GLIS3: variants seen among roughly 807,000 people sequenced by gnomAD.
GLIS3 encodes the protein zinc finger protein GLIS3.
In GLIS3, 53 loss-of-function variants were observed where a neutral mutation model predicts 78.6. The ratio of observed to expected loss-of-function variants is 0.67; its 90% CI spans 0.54 to 0.85. GLIS3 has a LOEUF of 0.85. Ranked by LOEUF, GLIS3 falls within the 40% of genes least tolerant of loss-of-function variation. The pLI, the probability that GLIS3 is intolerant of heterozygous loss-of-function variation, is 0.00. For missense variants in GLIS3, 1,703 were observed against 1,231.1 expected (o/e 1.38, Z -5.74); for synonymous variants, 684 against 509.9 (o/e 1.34, Z -4.60).
At chr9:3,834,680 G>A (rs2129996972) in intron 9 of GLIS3, among the ~76,000 whole-genome samples, 1 of 152,270 alleles carries the variant, frequency 6.6e-6, no homozygotes, top group South Asian at 2.1e-4. Context: ...CTTCAAGATA[G>A]AAAGTATATT....
At chr9:4,257,734 C>T (rs10118840) in intron 2 of GLIS3, among the ~76,000 whole-genome samples, 21,632 of 151,686 alleles carry the variant, frequency 0.14, 1,675 homozygotes, top group Non-Finnish European at 0.16. Flanking sequence ...CCACCACGCC[C>T]GGCTAATTTT....
At chr9:4,474,021 C>G in the GLIS3 span, among the ~76,000 whole-genome samples, 11 of 131,792 alleles carry the variant, frequency 8.3e-5, no homozygotes, top group African/African-American at 2.2e-4. Flanking sequence ...TCAGTTCCCC[C>G]CTAAAGCTAT....
intron 4 of GLIS3, among the ~76,000 whole-genome samples, chr9:3,981,255 T>C (rs1268863894): frequency 6.6e-6 from 1 of 152,222 alleles, no homozygotes; most frequent in African/African-American, 2.4e-5. Context: ...TTCAACCAGG[T>C]ACTGCCAGAA....
intron 2 of GLIS3, among the ~76,000 whole-genome samples, chr9:4,345,772 A>T (rs1345089115): frequency 6.6e-6 from 1 of 152,234 alleles, no homozygotes; most frequent in Non-Finnish European, 1.5e-5. Flanking sequence ...AACCACAAGA[A>T]GATAAAGCAA....
chr9:4,104,003 C>T (rs917548397), intron 4 of GLIS3, among the ~76,000 whole-genome samples: 1 of 152,138 alleles, frequency 6.6e-6, no homozygotes, highest in African/African-American at 2.4e-5. Context: ...ACTCTTCTCA[C>T]CTTCCACCAA....
At chr9:4,172,022 T>G (rs1044911027) in intron 2 of GLIS3, among the ~76,000 whole-genome samples, 23 of 152,152 alleles carry the variant, frequency 1.5e-4, no homozygotes, top group African/African-American at 4.6e-4. Flanking sequence ...ACAATTAACA[T>G]ATCTGCTAAA....
At chr9:4,039,319 C>G (rs1824599182) in intron 4 of GLIS3, among the ~76,000 whole-genome samples, 1 of 152,136 alleles carries the variant, frequency 6.6e-6, no homozygotes, top group Admixed American at 6.5e-5. Flanking sequence ...TCCCAGCTGT[C>G]CAATGCAGTA....
the GLIS3 span, among the ~76,000 whole-genome samples, chr9:4,454,543 T>C: frequency 3.3e-5 from 5 of 152,222 alleles, no homozygotes; most frequent in Non-Finnish European, 7.3e-5. Context: ...CAACACATTA[T>C]GATAGTATGC....
intron 4 of GLIS3, among the ~76,000 whole-genome samples, chr9:4,072,237 T>A (rs552193282): frequency 6.6e-6 from 1 of 152,350 alleles, no homozygotes; most frequent in South Asian, 2.1e-4. Flanking sequence ...TAATATTAGT[T>A]AGGCTTGACC....
intron 4 of GLIS3, among the ~76,000 whole-genome samples, chr9:3,939,773 G>A (rs560045616): frequency 0.02 from 3,053 of 152,268 alleles, 99 homozygotes; most frequent in African/African-American, 0.07. Context: ...GGCAGAAGAA[G>A]AAAGGCAGTT....
intron 8 of GLIS3, among the ~76,000 whole-genome samples, chr9:3,859,825 C>A (rs1175551408): frequency 6.6e-6 from 1 of 152,162 alleles, no homozygotes. Flanking sequence ...AAAAAAATTA[C>A]TGCTTACCAG....
chr9:4,183,358 A>G (rs1817496947), intron 2 of GLIS3, among the ~76,000 whole-genome samples: 1 of 152,194 alleles, frequency 6.6e-6, no homozygotes, highest in African/African-American at 2.4e-5. Flanking sequence ...ACATTCCTAT[A>G]CCCAGATGTC....
At chr9:4,347,825 A>G (rs1033480200) in intron 1 of GLIS3, among the ~76,000 whole-genome samples, 1 of 152,128 alleles carries the variant, frequency 6.6e-6, no homozygotes, top group Non-Finnish European at 1.5e-5. Flanking sequence ...AGGCTTGAAC[A>G]CAACTATTTT....
intron 4 of GLIS3, chr9:4,071,077 G>A (rs1827564834): frequency 6.6e-6 from 1 of 152,104 alleles, no homozygotes; most frequent in African/African-American, 2.4e-5. Context: ...AGATCTTTCA[G>A]TTTGAACTAA....
At chr9:4,475,880 G>A in the GLIS3 span, among the ~76,000 whole-genome samples, 1 of 152,124 alleles carries the variant, frequency 6.6e-6, no homozygotes, top group Non-Finnish European at 1.5e-5. Flanking sequence ...ATTAATGTGA[G>A]AATTCTCTGA....
the GLIS3 span, among the ~76,000 whole-genome samples, chr9:4,451,075 TC>T: frequency 1.3e-5 from 2 of 152,128 alleles, no homozygotes; most frequent in Non-Finnish European, 2.9e-5. Flanking sequence ...AGTGTCAAGA[TC>T]CATCAGTGTG....
chr9:4,093,593 G>A (rs1261303697), intron 4 of GLIS3, among the ~76,000 whole-genome samples: 6 of 152,124 alleles, frequency 3.9e-5, no homozygotes, highest in Admixed American at 3.9e-4. Context: ...CTTATTATGG[G>A]CTTGGCCTTC....
chr9:3,991,732 C>G lies in GLIS3; in HGVS notation c.1711-54543G>C, dbSNP rs369462542. ...TTGAGACGGAGTCTCACTCTGTCGC[C>G]CAGGCTGGAGTGCAGTGGTGGGATC... On this transcript the variant is annotated intron_variant, in intron 4 of 10. Coordinates refer to ENST00000381971, the MANE Select transcript of GLIS3 (RefSeq NM_001042413.2). Among the ~76,000 whole-genome samples, 640 of 134,476 alleles carry G rather than the reference C, an allele frequency of 4.8e-3. 7 individuals are homozygous for G. Among genetic ancestry groups the G allele is most frequent in the African/African-American group, 0.018 (624 of 34,186 alleles). The allele number at this position is 134,476 out of a possible 152,430, so 88.2% of individuals were successfully genotyped here. A position where few individuals can be genotyped will look rare whatever the true frequency, so the allele number is the denominator to read the frequency against.
intron 4 of GLIS3, among the ~76,000 whole-genome samples, chr9:4,046,502 C>T (rs1341365914): frequency 6.6e-6 from 1 of 152,156 alleles, no homozygotes; most frequent in Non-Finnish European, 1.5e-5. Context: ...CACAGAAATG[C>T]TCTGTGTTCA....
Sources: gnomAD v4.1 joint callset for allele counts (sites outside exome capture counted in the v4.1 genomes callset) on GRCh38, gnomAD v4.1.1 for gene constraint, MANE v1.5 for transcripts, NCBI Gene and HGNC (gene_info 2026-07-23, HGNC 2026-07-21) for gene names.